Variants in PPIG observed in about 807,000 individuals in gnomAD.
The protein encoded by PPIG is peptidylprolyl isomerase G.
Under a neutral mutation model 87.9 loss-of-function variants are expected in PPIG, and 26 were observed. The observed-to-expected ratio is 0.30, with a 90% CI of 0.22 to 0.41. PPIG has a LOEUF of 0.41. Among genes scored for constraint, PPIG ranks in the 10% least tolerant of loss-of-function variants. PPIG has a pLI of 1.00. For missense variants in PPIG, 722 were observed against 879.4 expected, an observed-to-expected ratio of 0.82 and a Z score of 2.26; for synonymous variants, 308 against 276.5, an observed-to-expected ratio of 1.11 and a Z score of -1.13.
chr2:169,595,850 C>T (rs954716181), intron 1 of PPIG, among the ~76,000 whole-genome samples: 4 of 152,230 alleles, frequency 2.6e-5, no homozygotes, highest in Non-Finnish European at 4.4e-5. Flanking sequence ...GTTGCCCAGG[C>T]TGGAGTGCAG....
At chr2:169,630,300 A>G (rs1459304076) in intron 9 of PPIG, among the ~76,000 whole-genome samples, 1 of 152,160 alleles carries the variant, frequency 6.6e-6, no homozygotes, top group African/African-American at 2.4e-5. Flanking sequence ...TTTCTTAATT[A>G]TTAGAAGACT....
chr2:169,630,801 A>AATC lies in PPIG; in HGVS notation c.585_587dup (p.Ser202dup), dbSNP rs767568138. On this transcript the variant is annotated inframe_insertion, in exon 10 of 14. Coordinates refer to ENST00000260970, the MANE Select transcript of PPIG (RefSeq NM_004792.3). ...AAGAAAGAAGAAAAGAAAAGGCATA[A>AATC]ATCATCATCATCTTCCTCCTCCTCA... 1 of 1,607,160 alleles carries AATC rather than the reference A, an allele frequency of 6.2e-7. No homozygotes were observed. Among genetic ancestry groups the AATC allele is most frequent in the African/African-American group, 1.3e-5 (1 of 74,448 alleles).
intron 1 of PPIG, among the ~76,000 whole-genome samples, chr2:169,586,275 TTGTCAGGAGTGCTCCTGC>T (rs1446984211): frequency 6.6e-6 from 1 of 152,198 alleles, no homozygotes. Flanking sequence ...AGGCAGTCAG[TTGTCAGGAGTGCTCCTGC>T]TGTCAGGAGT....
At chr2:169,584,587 G>A (rs1408264353) in intron 1 of PPIG, 97 bp downstream of exon 1, 2 of 448,418 alleles carry the variant, frequency 4.5e-6, no homozygotes, top group Non-Finnish European at 9.0e-6. Flanking sequence ...CGGAGCCGGC[G>A]CGGCTGACCG....
intron 1 of PPIG, among the ~76,000 whole-genome samples, chr2:169,598,301 T>A (rs1046417207): frequency 6.6e-6 from 1 of 152,060 alleles, no homozygotes; most frequent in Non-Finnish European, 1.5e-5. Flanking sequence ...TTCTTTTTCT[T>A]TTTTTTGGAG....
At chr2:169,610,129 C>T (rs970665687) in intron 7 of PPIG, among the ~76,000 whole-genome samples, 4 of 152,148 alleles carry the variant, frequency 2.6e-5, no homozygotes, top group African/African-American at 7.2e-5. Context: ...GGAATTTAAT[C>T]TGTCAGTACC....
In PPIG at chr2:169,617,619, A is replaced by G. The variant is rs11887271; in HGVS notation, c.547+2895A>G. Among the ~76,000 whole-genome samples, 1,135 of 152,226 alleles carry G rather than the reference A, an allele frequency of 7.5e-3. 6 individuals carry two copies. Among genetic ancestry groups the G allele is most frequent in the African/African-American group, 8.8e-3 (367 of 41,538 alleles). ...TAGGTTTTTTATTCTCTTTGTAGCA[A>G]TTGAGAATGGGAGTTCACTCATGAT... On this transcript the variant is annotated intron_variant, in intron 9 of 13. Transcript: ENST00000260970.
chr2:169,628,126 T>TA (rs1406830009), intron 9 of PPIG, among the ~76,000 whole-genome samples: 1 of 152,106 alleles, frequency 6.6e-6, no homozygotes, highest in Non-Finnish European at 1.5e-5. Flanking sequence ...GAGACAAAAT[T>TA]AGCTTCACCA....
In PPIG at chr2:169,633,213, G is replaced by T; in HGVS notation, c.983G>T (p.Arg328Ile). 1 of 1,610,162 alleles carries T rather than the reference G, an allele frequency of 6.2e-7. No homozygotes were observed. Among genetic ancestry groups the T allele is most frequent in the Non-Finnish European group, 8.5e-7 (1 of 1,177,082 alleles). Reference sequence around the variant, plus strand: ...TACCAGAGACGACTTTTAGTTACTAGATCTGGCAGGAAAATTAAAGGAAGA... The same window carrying T: ...TACCAGAGACGACTTTTAGTTACTATATCTGGCAGGAAAATTAAAGGAAGA... ...ASYQRRLLVT[R>I]SGRKIKGRGP... The change falls in exon 12 of 14, where the codon AGA becomes ATA. Residue 328 changes from arginine to isoleucine, a missense_variant. By Grantham distance (97) the Arg-to-Ile change is moderately conservative. Transcript: ENST00000260970.
chr2:169,621,438 G>A (rs182384299), intron 9 of PPIG, among the ~76,000 whole-genome samples: 1 of 152,168 alleles, frequency 6.6e-6, no homozygotes, highest in East Asian at 1.9e-4. Flanking sequence ...ATGTACATGA[G>A]ACTGGCTATC....
intron 4 of PPIG, 37 bp downstream of exon 4, chr2:169,604,298 C>G: frequency 1.1e-6 from 1 of 926,146 alleles, no homozygotes; most frequent in African/African-American, 1.8e-5. Flanking sequence ...ATAGTAGTCT[C>G]AGTTGACTAT....
At chr2:169,604,318 G>C in intron 4 of PPIG, 57 bp downstream of exon 4, 1 of 826,510 alleles carries the variant, frequency 1.2e-6, no homozygotes, top group Non-Finnish European at 1.8e-6. Context: ...TGGCTTGCTT[G>C]CTTGCTTGGT....
At chr2:169,602,890 A>G (rs1357781641) in intron 1 of PPIG, among the ~76,000 whole-genome samples, 1 of 152,198 alleles carries the variant, frequency 6.6e-6, no homozygotes, top group Non-Finnish European at 1.5e-5. Context: ...TAGCCTAGAT[A>G]AGAAATGATA....
intron 9 of PPIG, among the ~76,000 whole-genome samples, chr2:169,618,735 C>A (rs1229228176): frequency 2.0e-5 from 3 of 150,846 alleles, no homozygotes; most frequent in African/African-American, 4.9e-5. Context: ...CTATTTGATT[C>A]TTCTCTCTTT....
chr2:169,621,080 C>T (rs981874370), intron 9 of PPIG, among the ~76,000 whole-genome samples: 5 of 151,868 alleles, frequency 3.3e-5, no homozygotes, highest in Non-Finnish European at 5.9e-5. Context: ...AACCCAAGTT[C>T]GAGAATTAGA....
chr2:169,588,817 G>T (rs1045654142), intron 1 of PPIG, among the ~76,000 whole-genome samples: 2 of 151,822 alleles, frequency 1.3e-5, no homozygotes, highest in African/African-American at 4.8e-5. Flanking sequence ...AAATTTAGCC[G>T]GGCATGGTGG....
At chr2:169,629,978 C>T (rs936515009) in intron 9 of PPIG, among the ~76,000 whole-genome samples, 6 of 151,864 alleles carry the variant, frequency 4.0e-5, no homozygotes, top group African/African-American at 1.5e-4. Flanking sequence ...CAATATTGTC[C>T]CATCTTTGGC....
At chr2:169,611,287 A>G (rs1236530986) in intron 7 of PPIG, among the ~76,000 whole-genome samples, 2 of 152,164 alleles carry the variant, frequency 1.3e-5, no homozygotes, top group Non-Finnish European at 2.9e-5. Flanking sequence ...ACACACAAAA[A>G]TCCCATTCCC....
intron 9 of PPIG, among the ~76,000 whole-genome samples, chr2:169,617,354 G>A (rs912347542): frequency 5.9e-5 from 9 of 152,006 alleles, no homozygotes; most frequent in African/African-American, 2.2e-4. Flanking sequence ...CTCTTTTTTG[G>A]TTCCATATGA....
Sources: gnomAD v4.1 joint callset for allele counts (sites outside exome capture counted in the v4.1 genomes callset) on GRCh38, gnomAD v4.1.1 for gene constraint, MANE v1.5 for transcripts, NCBI Gene and HGNC (gene_info 2026-07-23, HGNC 2026-07-21) for gene names.